Variants in SCMH1 observed in about 807,000 individuals in gnomAD.
SCMH1 encodes the protein Scm polycomb group protein homolog 1.
Under a neutral mutation model 70.8 loss-of-function variants are expected in SCMH1, and 37 were observed. The ratio of observed to expected loss-of-function variants is 0.52; its 90% CI spans 0.40 to 0.69. SCMH1 has a LOEUF of 0.69. Ranked by LOEUF, SCMH1 falls within the 30% of genes least tolerant of loss-of-function variation. The probability of loss-of-function intolerance (pLI) is 0.00; values close to 1 mark genes in which losing one functional copy is unlikely to be tolerated. For synonymous variants in SCMH1, 292 were observed against 307.4 expected, an observed-to-expected ratio of 0.95 and a Z score of 0.52; for missense variants, 607 against 827.3, an observed-to-expected ratio of 0.73 and a Z score of 3.27.
chr1:41,213,619 A>G (rs1657504423), intron 1 of SCMH1, among the ~76,000 whole-genome samples: 1 of 152,122 alleles, frequency 6.6e-6, no homozygotes, highest in South Asian at 2.1e-4. Context: ...ATTACCCCCC[A>G]TTTATTACCA....
chr1:41,175,159 T>G (rs184509878), intron 2 of SCMH1, among the ~76,000 whole-genome samples: 20 of 152,346 alleles, frequency 1.3e-4, no homozygotes, highest in Admixed American at 7.2e-4. Context: ...TTTGAATCAG[T>G]AGACTGAGTA....
intron 1 of SCMH1, among the ~76,000 whole-genome samples, chr1:41,219,953 A>C (rs1489981898): frequency 6.6e-6 from 1 of 151,896 alleles, no homozygotes; most frequent in Non-Finnish European, 1.5e-5. Context: ...AAAAAGTACT[A>C]TACAAGATAC....
chr1:41,127,611 T>C (rs1468953973), intron 6 of SCMH1, among the ~76,000 whole-genome samples: 2 of 152,066 alleles, frequency 1.3e-5, no homozygotes, highest in African/African-American at 4.8e-5. Context: ...TGCCAACCAC[T>C]ATGGACTGAA....
chr1:41,075,379 T>G, exon 9 of SCMH1: 1 of 1,614,084 alleles, frequency 6.2e-7, no homozygotes, highest in Non-Finnish European at 8.5e-7. Context: ...CAAGACAGTT[T>G]TGGTGCTGCT....
At chr1:41,166,927 T>C (rs370909328) in intron 2 of SCMH1, among the ~76,000 whole-genome samples, 19 of 152,082 alleles carry the variant, frequency 1.2e-4, no homozygotes, top group African/African-American at 3.6e-4. Context: ...TTCTAGGTCT[T>C]ATAGGAAAAG....
rs554367303 is a variant in SCMH1 at position 41,085,303 on chromosome 1, A to G, written c.746-9852T>C. Among the ~76,000 whole-genome samples the G allele has an allele frequency of 2.6e-5, 4 of 152,278 alleles. No individual in the cohort carries two copies. The East Asian group carries it at 7.7e-4, about 29-fold the overall frequency. Reference sequence around the variant, plus strand: ...AGAAAAAAAATTATGTGATGACTCTATTAATGCTGGAAAGGTTTTTGACAA... The same window carrying G: ...AGAAAAAAAATTATGTGATGACTCTGTTAATGCTGGAAAGGTTTTTGACAA... On this transcript the variant is annotated intron_variant, in intron 8 of 14. Transcript: ENST00000337495.
chr1:41,059,333 A>G (rs1651742008), intron 10 of SCMH1, among the ~76,000 whole-genome samples: 1 of 152,168 alleles, frequency 6.6e-6, no homozygotes, highest in African/African-American at 2.4e-5. Flanking sequence ...CTGTACCCAT[A>G]TAAACCCCAA....
At chr1:41,159,818 C>CG in intron 4 of SCMH1, 1 of 1,461,324 alleles carries the variant, frequency 6.8e-7, no homozygotes, top group Non-Finnish European at 9.0e-7. Flanking sequence ...AGAGTAAAGT[C>CG]TGAGTATAGC....
At chr1:41,122,819 A>G (rs1224500626) in intron 6 of SCMH1, among the ~76,000 whole-genome samples, 1 of 152,190 alleles carries the variant, frequency 6.6e-6, no homozygotes, top group Non-Finnish European at 1.5e-5. Flanking sequence ...AAAACTTCAT[A>G]AAGAACCACT....
At chr1:41,098,321 T>C (rs961632104) in intron 8 of SCMH1, among the ~76,000 whole-genome samples, 2 of 152,226 alleles carry the variant, frequency 1.3e-5, no homozygotes, top group African/African-American at 4.8e-5. Context: ...CTTGAGAAAG[T>C]GACCTTTTAC....
exon 3 of SCMH1, chr1:41,161,422 C>G: frequency 3.2e-6 from 5 of 1,550,126 alleles, no homozygotes; most frequent in Non-Finnish European, 4.4e-6. Flanking sequence ...TAACATCACT[C>G]CAGTCTATCA....
intron 1 of SCMH1, among the ~76,000 whole-genome samples, chr1:41,224,923 A>T (rs192404728): frequency 1.3e-5 from 2 of 152,340 alleles, no homozygotes; most frequent in Admixed American, 1.3e-4. Flanking sequence ...GCTAGTAATC[A>T]CTGGATTTAG....
intron 1 of SCMH1, among the ~76,000 whole-genome samples, chr1:41,187,847 T>C (rs1489898268): frequency 1.3e-5 from 2 of 150,418 alleles, no homozygotes; most frequent in African/African-American, 4.9e-5. Flanking sequence ...TAGCCAGGTG[T>C]GGTGGTGTGT....
At chr1:41,077,038 C>T (rs1301945243) in intron 8 of SCMH1, among the ~76,000 whole-genome samples, 1 of 152,118 alleles carries the variant, frequency 6.6e-6, no homozygotes, top group Non-Finnish European at 1.5e-5. Flanking sequence ...GAAGATAATA[C>T]TTCCTAGGCC....
chr1:41,135,248 T>C (rs1643090201), intron 6 of SCMH1, among the ~76,000 whole-genome samples: 1 of 152,110 alleles, frequency 6.6e-6, no homozygotes, highest in African/African-American at 2.4e-5. Flanking sequence ...AGAATGACAC[T>C]ATTCAGTACA....
chr1:41,077,980 A>C (rs550461818), intron 8 of SCMH1, among the ~76,000 whole-genome samples: 3 of 152,210 alleles, frequency 2.0e-5, no homozygotes, highest in Non-Finnish European at 4.4e-5. Flanking sequence ...CAGATTTTTT[A>C]AAAATCATAA....
intron 8 of SCMH1, among the ~76,000 whole-genome samples, chr1:41,085,838 C>CTTT (rs59678945): frequency 5.8e-5 from 5 of 85,610 alleles, no homozygotes; most frequent in African/African-American, 5.1e-5. Context: ...ATTTCACCTG[C>CTTT]TTTTTTTTTT....
At chr1:41,120,679 T>C (rs780920683) in intron 6 of SCMH1, among the ~76,000 whole-genome samples, 1 of 152,160 alleles carries the variant, frequency 6.6e-6, no homozygotes, top group African/African-American at 2.4e-5. Context: ...TCTTGGGCAA[T>C]CATAGATAGT....
chr1:41,053,832 T>G (rs923129218), intron 10 of SCMH1, among the ~76,000 whole-genome samples: 2 of 147,170 alleles, frequency 1.4e-5, no homozygotes, highest in African/African-American at 2.5e-5. Context: ...AGCCTAAAGG[T>G]TTTTTTTTTG....
Sources: allele counts gnomAD v4.1 joint callset (sites outside exome capture counted in the v4.1 genomes callset), GRCh38; gene constraint gnomAD v4.1.1; transcripts MANE v1.5; gene names NCBI Gene and HGNC (gene_info 2026-07-23, HGNC 2026-07-21).